The following NAV3 variants were observed in gnomAD, a reference collection of about 807,000 sequenced individuals.
The protein encoded by NAV3 is neuron navigator 3, also known as pore membrane and/or filament interacting like protein 1.
A neutral mutation model predicts 244.7 loss-of-function variants in NAV3; 87 were observed. That is an observed-to-expected ratio of 0.36 (90% CI 0.30 to 0.42). The LOEUF is 0.42. Ranked by LOEUF, NAV3 falls within the 20% of genes least tolerant of loss-of-function variation. The pLI, the probability that NAV3 is intolerant of heterozygous loss-of-function variation, is 1.00. For missense variants in NAV3, 2,663 were observed against 2,893.3 expected (o/e 0.92, Z 1.83); for synonymous variants, 1,126 against 1,042.2 (o/e 1.08, Z -1.55).
intron 1 of NAV3, among the ~76,000 whole-genome samples, chr12:77,837,219 GTAAACTTTTAAAGTTTAAACTT>G (rs1217778255): frequency 6.7e-6 from 1 of 150,164 alleles, no homozygotes; most frequent in Non-Finnish European, 1.5e-5. Context: ...GAAAAGTTAT[GTAAACTTTTAAAGTTTAAACTT>G]TAAACTTTAA....
intron 21 of NAV3, among the ~76,000 whole-genome samples, 158 bp downstream of exon 21, chr12:78,146,550 G>A (rs1956872702): frequency 1.3e-5 from 2 of 152,044 alleles, no homozygotes; most frequent in Non-Finnish European, 2.9e-5. Context: ...CTTTGATATT[G>A]CCTCTTAAAA....
chr12:77,966,995 T>C (rs1270774), intron 4 of NAV3, among the ~76,000 whole-genome samples: 150,545 of 152,186 alleles, frequency 0.99, 74,483 homozygotes, highest in Middle Eastern at 1. Flanking sequence ...AACACTGATA[T>C]TTAAATTTCT....
intron 12 of NAV3, among the ~76,000 whole-genome samples, chr12:78,062,967 G>A (rs1009784373): frequency 3.9e-5 from 6 of 152,088 alleles, no homozygotes; most frequent in Non-Finnish European, 8.8e-5. Context: ...CAGAGTCATA[G>A]CACAATGGCA....
chr12:77,777,495 G>A (rs1412748991), intron 2 of NAV3, among the ~76,000 whole-genome samples: 2 of 152,184 alleles, frequency 1.3e-5, no homozygotes, highest in East Asian at 1.9e-4. Context: ...CTAACATCCT[G>A]AGTTAGACAC....
At chr12:78,046,025 T>G (rs1881732577) in intron 9 of NAV3, among the ~76,000 whole-genome samples, 1 of 152,196 alleles carries the variant, frequency 6.6e-6, no homozygotes, top group South Asian at 2.1e-4. Flanking sequence ...TGCATAGTAG[T>G]GTTTATAGTA....
intron 2 of NAV3, among the ~76,000 whole-genome samples, chr12:77,680,541 C>G (rs111652514): frequency 7.2e-5 from 11 of 152,186 alleles, no homozygotes; most frequent in African/African-American, 2.7e-4. Context: ...AGCTTTCACA[C>G]TTAAGCCCAG....
At chr12:78,066,119 T>C (rs890701891) in intron 12 of NAV3, among the ~76,000 whole-genome samples, 4 of 151,946 alleles carry the variant, frequency 2.6e-5, no homozygotes, top group Admixed American at 6.6e-5. Flanking sequence ...CCCCTTAGCC[T>C]CTCCTGCCAT....
chr12:78,118,419 GAGTCAA>G, intron 14 of NAV3, 122 bp downstream of exon 14: 1 of 1,278,562 alleles, frequency 7.8e-7, no homozygotes, highest in Non-Finnish European at 1.1e-6. Flanking sequence ...ATTAAACATG[GAGTCAA>G]ATAGTTAAAT....
At chr12:77,892,601 A>G (rs1361636191) in intron 1 of NAV3, among the ~76,000 whole-genome samples, 2 of 151,916 alleles carry the variant, frequency 1.3e-5, no homozygotes, top group Middle Eastern at 3.2e-3. Context: ...ATTTTTAGTC[A>G]AGATGGGGTT....
chr12:77,867,621 T>C (rs111864477), intron 1 of NAV3, among the ~76,000 whole-genome samples: 14 of 152,052 alleles, frequency 9.2e-5, no homozygotes, highest in Admixed American at 2.6e-4. Flanking sequence ...GGGGTTTCAC[T>C]GTGTTAGCCA....
chr12:77,686,450 A>G (rs1296117805), intron 2 of NAV3, among the ~76,000 whole-genome samples: 8 of 147,096 alleles, frequency 5.4e-5, no homozygotes, highest in African/African-American at 2.0e-4. Flanking sequence ...TTTTTTTTAA[A>G]AACAGAGGCT....
chr12:78,168,357 T>C (rs1336540551), intron 23 of NAV3, among the ~76,000 whole-genome samples: 3 of 151,806 alleles, frequency 2.0e-5, no homozygotes, highest in Admixed American at 6.6e-5. Context: ...CAGTTGACAA[T>C]AAATACAATA....
chr12:78,148,891 C>G lies in NAV3; in HGVS notation c.4757C>G (p.Ala1586Gly), dbSNP rs2139226863. The change falls in exon 22 of 40, where the codon GCT becomes GGT. Residue 1586 changes from alanine to glycine, a missense_variant. Ala to Gly is a moderately conservative substitution (Grantham distance 60). This residue lies in a region of NAV3 where 48 missense variants were observed against 90.0 expected (regional missense o/e 0.53). Coordinates refer to ENST00000397909, the MANE Select transcript of NAV3 (RefSeq NM_001024383.2). ...RELVASQEKV[A>G]TLTSQLSANA... ...CTGGTTGCATCACAAGAAAAAGTTG[C>G]TACCCTCACATCTCAGCTTTCAGCA... is the stretch of plus-strand genomic sequence containing the variant. 3.7e-6 allele frequency: 6 copies of G among 1,612,704 alleles called. No homozygotes were observed. Among genetic ancestry groups the G allele is most frequent in the Non-Finnish European group, 5.1e-6 (6 of 1,179,268 alleles).
intron 2 of NAV3, among the ~76,000 whole-genome samples, chr12:77,777,452 T>G (rs543958270): frequency 2.8e-4 from 43 of 152,286 alleles, no homozygotes; most frequent in Admixed American, 2.4e-3. Flanking sequence ...GTGTATAGCA[T>G]CTACAGTGTG....
chr12:77,919,554 AT>A (rs1462578681), intron 1 of NAV3, among the ~76,000 whole-genome samples: 1 of 152,068 alleles, frequency 6.6e-6, no homozygotes, highest in Non-Finnish European at 1.5e-5. Flanking sequence ...TTAATCCCCC[AT>A]TTTACTAAAA....
intron 2 of NAV3, among the ~76,000 whole-genome samples, chr12:77,812,828 A>G (rs961996543): frequency 1.3e-5 from 2 of 151,228 alleles, no homozygotes; most frequent in African/African-American, 4.9e-5. Flanking sequence ...CACCAAATTA[A>G]TTAATTAATT....
intron 1 of NAV3, among the ~76,000 whole-genome samples, chr12:77,928,677 A>T (rs1386793657): frequency 6.6e-6 from 1 of 152,226 alleles, no homozygotes; most frequent in East Asian, 1.9e-4. Context: ...AAATCAGAAC[A>T]TACTGTAGTT....
At chr12:77,686,146 T>A (rs188249508) in intron 2 of NAV3, among the ~76,000 whole-genome samples, 1 of 152,258 alleles carries the variant, frequency 6.6e-6, no homozygotes, top group Admixed American at 6.6e-5. Context: ...TATGTATGTA[T>A]GTATTTTGCA....
intron 12 of NAV3, among the ~76,000 whole-genome samples, chr12:78,085,354 G>A (rs1353666826): frequency 6.6e-6 from 1 of 152,148 alleles, no homozygotes. Context: ...AAGAGCAAAA[G>A]AGGCAGCAGA....
Sources: allele counts gnomAD v4.1 joint callset (sites outside exome capture counted in the v4.1 genomes callset), GRCh38; gene constraint gnomAD v4.1.1; regional missense constraint gnomAD v4.1.1; transcripts MANE v1.5; gene names NCBI Gene and HGNC (gene_info 2026-07-23, HGNC 2026-07-21).